The following PDE4DIP variants were observed in gnomAD, a reference collection of about 807,000 sequenced individuals.
PDE4DIP encodes myomegalin.
In PDE4DIP, 59 loss-of-function variants were observed where a neutral mutation model predicts 221.4. The ratio of observed to expected loss-of-function variants is 0.27; its 90% CI spans 0.22 to 0.33. PDE4DIP has a LOEUF of 0.33. PDE4DIP is among the 10% of genes least tolerant of loss of function. The pLI is 1.00. For synonymous variants in PDE4DIP, 404 were observed against 815.9 expected, an observed-to-expected ratio of 0.50 and a Z score of 8.60; for missense variants, 1,036 against 2,154.2, an observed-to-expected ratio of 0.48 and a Z score of 10.28.
At chr1:148,969,985 C>G (rs1379302533) in intron 14 of PDE4DIP, among the ~76,000 whole-genome samples, 1 of 152,160 alleles carries the variant, frequency 6.6e-6, no homozygotes, top group Non-Finnish European at 1.5e-5. Flanking sequence ...GGATTACAGG[C>G]GTGAGCCACC....
chr1:148,960,043 T>G (rs1335176069), intron 5 of PDE4DIP, among the ~76,000 whole-genome samples: 5 of 152,130 alleles, frequency 3.3e-5, no homozygotes, highest in Non-Finnish European at 1.5e-5. Flanking sequence ...GAGAATTAGT[T>G]GTAGATAGTA....
chr1:148,959,147 C>T (rs1465608625), intron 5 of PDE4DIP, among the ~76,000 whole-genome samples: 2 of 151,974 alleles, frequency 1.3e-5, no homozygotes, highest in East Asian at 1.9e-4. Flanking sequence ...TTATCATGTA[C>T]TCCCCACTCC....
intron 4 of PDE4DIP, among the ~76,000 whole-genome samples, chr1:148,934,419 G>GGA (rs1247213567): frequency 6.6e-6 from 1 of 152,044 alleles, no homozygotes; most frequent in Non-Finnish European, 1.5e-5. Flanking sequence ...GAACAATTTT[G>GGA]GAGAGTAGGA....
At chr1:148,923,628 C>T (rs1226989565) in intron 1 of PDE4DIP, among the ~76,000 whole-genome samples, 1 of 144,920 alleles carries the variant, frequency 6.9e-6, no homozygotes, top group African/African-American at 2.7e-5. Context: ...AGCCCGCCAC[C>T]GCTCCCGGCT....
chr1:149,013,133 G>A (rs1217527256), intron 32 of PDE4DIP, among the ~76,000 whole-genome samples: 1 of 152,218 alleles, frequency 6.6e-6, no homozygotes, highest in Non-Finnish European at 1.5e-5. Context: ...GGATGAAGTG[G>A]CCAAGAAAAA....
At chr1:148,990,074 A>G (rs2062719911) in intron 21 of PDE4DIP, 1 of 256,890 alleles carries the variant, frequency 3.9e-6, no homozygotes, top group Non-Finnish European at 6.1e-6. Context: ...AAGTTAACAT[A>G]AAGTTCATGG....
At chr1:148,917,254 C>A (rs1473148537) in intron 1 of PDE4DIP, among the ~76,000 whole-genome samples, 1 of 151,704 alleles carries the variant, frequency 6.6e-6, no homozygotes, top group Non-Finnish European at 1.5e-5. Context: ...TAGCTCATGA[C>A]ACACTGAGAA....
intron 31 of PDE4DIP, 123 bp downstream of exon 34, chr1:149,010,718 C>T (rs587690150): frequency 5.0e-5 from 38 of 766,184 alleles, no homozygotes; most frequent in South Asian, 1.8e-4. Flanking sequence ...TAGACAGAAT[C>T]GAGAAACCAT....
intron 23 of PDE4DIP, chr1:148,999,238 G>C (rs1307572417): frequency 2.7e-5 from 4 of 150,260 alleles, no homozygotes; most frequent in African/African-American, 9.8e-5. Flanking sequence ...AGAACATGCT[G>C]ATACTGTAGG....
chr1:148,998,295 G>A, exon 23 of PDE4DIP: 2 of 1,613,484 alleles, frequency 1.2e-6, no homozygotes, highest in Non-Finnish European at 1.7e-6. Context: ...ACTTAGAAGA[G>A]AAGAGGAAAG....
chr1:149,019,312 AT>A (rs1553615443), intron 35 of PDE4DIP, among the ~76,000 whole-genome samples: 1 of 119,730 alleles, frequency 8.4e-6, no homozygotes, highest in Non-Finnish European at 1.7e-5. Flanking sequence ...TGTATTATCG[AT>A]AACAAAGTAT....
chr1:149,009,432 G>A (rs1466569045), intron 29 of PDE4DIP, 136 bp from the exon 33 acceptor site: 2 of 628,584 alleles, frequency 3.2e-6, no homozygotes, highest in East Asian at 5.5e-5. Context: ...CCATCCCTAA[G>A]CAGAGGTGGG....
At chr1:148,889,161 T>C (rs1553433610), upstream of PDE4DIP, among the ~76,000 whole-genome samples, 1 of 152,154 alleles carries the variant, frequency 6.6e-6, no homozygotes, top group Non-Finnish European at 1.5e-5. Flanking sequence ...TGACATGCGG[T>C]TACCTTTGTG....
intron 19 of PDE4DIP, among the ~76,000 whole-genome samples, chr1:148,978,709 AG>A (rs1277823401): frequency 6.6e-6 from 1 of 152,086 alleles, no homozygotes; most frequent in African/African-American, 2.4e-5. Context: ...CAGCCTCCTG[AG>A]TAGCTGGAGC....
intron 5 of PDE4DIP, among the ~76,000 whole-genome samples, chr1:148,938,786 C>CA (rs144503143): frequency 6.6e-6 from 1 of 151,174 alleles, no homozygotes; most frequent in Non-Finnish European, 1.5e-5. Context: ...AATTTGCCTC[C>CA]AAAAAAAAAT....
chr1:148,940,917 T>C (rs2150955598), intron 5 of PDE4DIP, among the ~76,000 whole-genome samples: 1 of 151,874 alleles, frequency 6.6e-6, no homozygotes, highest in South Asian at 2.1e-4. Context: ...TTGTAAACAG[T>C]TTTATCATCA....
At chr1:148,965,108 C>G (rs142139457) in intron 9 of PDE4DIP, among the ~76,000 whole-genome samples, 1 of 152,000 alleles carries the variant, frequency 6.6e-6, no homozygotes, top group African/African-American at 2.4e-5. Context: ...ATATGGCAAA[C>G]TAAGAAAGAA....
At chr1:149,017,800 C>A in exon 34 of PDE4DIP, 1 of 1,609,804 alleles carries the variant, frequency 6.2e-7, no homozygotes, top group South Asian at 1.1e-5. Flanking sequence ...TGCGCCAGCG[C>A]CTGGAGGAAT....
intron 1 of PDE4DIP, among the ~76,000 whole-genome samples, chr1:148,919,711 T>C (rs1553460933): frequency 6.6e-6 from 1 of 151,604 alleles, no homozygotes; most frequent in Non-Finnish European, 1.5e-5. Context: ...CATTCACTAA[T>C]AGTTACTTTT....
Sources: allele counts gnomAD v4.1 joint callset (sites outside exome capture counted in the v4.1 genomes callset), GRCh38; gene constraint gnomAD v4.1.1; transcripts MANE v1.5; gene names NCBI Gene and HGNC (gene_info 2026-07-23, HGNC 2026-07-21).